The following CERS6 variants were observed in gnomAD, a reference collection of about 807,000 sequenced individuals.
The protein encoded by CERS6 is ceramide synthase 6.
CERS6 carries 26 observed loss-of-function variants against 56.8 expected under a neutral mutation model. The observed-to-expected ratio is 0.46, with a 90% CI of 0.34 to 0.63. The LOEUF (loss-of-function observed/expected upper bound fraction) is 0.63. CERS6 is among the 30% of genes least tolerant of loss of function. The probability of loss-of-function intolerance (pLI) is 0.01; values close to 1 mark genes in which losing one functional copy is unlikely to be tolerated. For missense variants in CERS6, 415 were observed against 467.5 expected (o/e 0.89, Z 1.04); for synonymous variants, 164 against 173.3 (o/e 0.95, Z 0.42).
chr2:168,570,258 C>G (rs1695960446), intron 3 of CERS6, among the ~76,000 whole-genome samples: 1 of 152,140 alleles, frequency 6.6e-6, no homozygotes. Flanking sequence ...GATGAAAAAC[C>G]AACGCGAGTT....
chr2:168,527,946 C>T (rs1695099231), intron 1 of CERS6, among the ~76,000 whole-genome samples: 1 of 152,002 alleles, frequency 6.6e-6, no homozygotes, highest in African/African-American at 2.4e-5. Flanking sequence ...GTCTCAAACT[C>T]CTGAGCTTGA....
chr2:168,768,239 G>GTTTTT (rs557076210), intron 9 of CERS6, among the ~76,000 whole-genome samples: 1 of 144,176 alleles, frequency 6.9e-6, no homozygotes, highest in Non-Finnish European at 1.5e-5. Flanking sequence ...GTTTTGTTTT[G>GTTTTT]TTTTTTTTTT....
chr2:168,530,231 C>G (rs1365987248), intron 1 of CERS6, among the ~76,000 whole-genome samples: 1 of 152,182 alleles, frequency 6.6e-6, no homozygotes. Flanking sequence ...AAATCGCATT[C>G]AGTGAGGTAC....
chr2:168,460,146 T>C (rs1315189580), intron 1 of CERS6, among the ~76,000 whole-genome samples: 2 of 152,190 alleles, frequency 1.3e-5, no homozygotes, highest in East Asian at 1.9e-4. Flanking sequence ...GCTTGAAAAT[T>C]ACTAATTATT....
At chr2:168,488,667 A>G (rs144746863) in intron 1 of CERS6, among the ~76,000 whole-genome samples, 4 of 152,050 alleles carry the variant, frequency 2.6e-5, no homozygotes, top group Non-Finnish European at 5.9e-5. Flanking sequence ...GAATCTTTTT[A>G]GCATTCCCTC....
intron 3 of CERS6, among the ~76,000 whole-genome samples, chr2:168,570,198 T>C (rs546603395): frequency 5.7e-4 from 87 of 152,286 alleles, no homozygotes; most frequent in African/African-American, 1.9e-3. Context: ...GCGGAATCCA[T>C]GTGGATTCAC....
intron 6 of CERS6, among the ~76,000 whole-genome samples, chr2:168,710,158 C>A (rs929946467): frequency 1.3e-5 from 2 of 152,062 alleles, no homozygotes; most frequent in Non-Finnish European, 2.9e-5. Flanking sequence ...AAAAACAAGG[C>A]TCTTGTTTTT....
At chr2:168,679,175 G>A (rs1559049123) in intron 4 of CERS6, among the ~76,000 whole-genome samples, 2 of 152,154 alleles carry the variant, frequency 1.3e-5, no homozygotes, top group Non-Finnish European at 2.9e-5. Context: ...CCAGAGATTG[G>A]GAAGGGAGGG....
At chr2:168,706,207 C>A (rs1686937423) in intron 6 of CERS6, among the ~76,000 whole-genome samples, 1 of 152,220 alleles carries the variant, frequency 6.6e-6, no homozygotes, top group Admixed American at 6.5e-5. Flanking sequence ...GACTCCAGGG[C>A]ATTGGAAATC....
intron 2 of CERS6, among the ~76,000 whole-genome samples, chr2:168,558,254 C>T (rs936204932): frequency 1.3e-5 from 2 of 152,158 alleles, no homozygotes; most frequent in Non-Finnish European, 2.9e-5. Flanking sequence ...CTACAACTTT[C>T]ACTTTCAGGA....
chr2:168,606,289 C>T (rs1199835435), intron 3 of CERS6: 1 of 152,220 alleles, frequency 6.6e-6, no homozygotes, highest in South Asian at 2.1e-4. Context: ...TATCCCCTTT[C>T]TTTTGGCTAA....
intron 4 of CERS6, among the ~76,000 whole-genome samples, chr2:168,639,585 T>C (rs1316428634): frequency 6.6e-6 from 1 of 152,148 alleles, no homozygotes; most frequent in African/African-American, 2.4e-5. Flanking sequence ...AACAGCTTTC[T>C]GGGGGAAGTA....
intron 8 of CERS6, among the ~76,000 whole-genome samples, chr2:168,740,880 A>G (rs1683877971): frequency 6.6e-6 from 1 of 152,206 alleles, no homozygotes; most frequent in South Asian, 2.1e-4. Flanking sequence ...GGAGTTGGTC[A>G]TTATTTAGAG....
At chr2:168,730,642 A>G (rs1050457870) in intron 8 of CERS6, among the ~76,000 whole-genome samples, 1 of 152,174 alleles carries the variant, frequency 6.6e-6, no homozygotes, top group African/African-American at 2.4e-5. Flanking sequence ...TAGGTGCCCA[A>G]CCTCAAATTC....
intron 8 of CERS6, among the ~76,000 whole-genome samples, chr2:168,729,227 C>T (rs1027582957): frequency 6.6e-6 from 1 of 152,054 alleles, no homozygotes; most frequent in Non-Finnish European, 1.5e-5. Context: ...ATCTGAGTGT[C>T]GTAATAAAGT....
chr2:168,487,614 C>G (rs1163349195), intron 1 of CERS6, among the ~76,000 whole-genome samples: 1 of 152,206 alleles, frequency 6.6e-6, no homozygotes, highest in Non-Finnish European at 1.5e-5. Context: ...CTTGCTTACC[C>G]AAAATCTACA....
chr2:168,752,465 G>A (rs1244028820), intron 8 of CERS6, among the ~76,000 whole-genome samples: 2 of 152,174 alleles, frequency 1.3e-5, no homozygotes, highest in African/African-American at 2.4e-5. Context: ...ATAGCTTTCA[G>A]CTTTGCTGGA....
intron 8 of CERS6, among the ~76,000 whole-genome samples, chr2:168,738,344 A>T (rs1326128216): frequency 6.6e-6 from 1 of 152,186 alleles, no homozygotes; most frequent in Non-Finnish European, 1.5e-5. Flanking sequence ...TAAATGACAG[A>T]TGGTGGTGAT....
At chr2:168,511,636 C>G (rs533967037) in intron 1 of CERS6, among the ~76,000 whole-genome samples, 1 of 152,220 alleles carries the variant, frequency 6.6e-6, no homozygotes, top group East Asian at 1.9e-4. Flanking sequence ...TTGAAAATGT[C>G]TTTATAATCT....
Sources: gnomAD v4.1 joint callset for allele counts (sites outside exome capture counted in the v4.1 genomes callset) on GRCh38, gnomAD v4.1.1 for gene constraint, MANE v1.5 for transcripts, NCBI Gene and HGNC (gene_info 2026-07-23, HGNC 2026-07-21) for gene names.